Variants in CHTF18 observed in about 807,000 individuals in gnomAD.
CHTF18 encodes the protein chromosome transmission fidelity protein 18 homolog.
Under a neutral mutation model 113.4 loss-of-function variants are expected in CHTF18, and 151 were observed. The ratio of observed to expected loss-of-function variants is 1.33; its 90% confidence interval spans 1.17 to 1.52. The LOEUF is 1.52. CHTF18 is among the 40% of genes most tolerant of loss of function. CHTF18 has a pLI of 0.00. For missense variants in CHTF18, 1,982 were observed against 1,381.6 expected, an observed-to-expected ratio of 1.43 and a Z score of -6.89; for synonymous variants, 916 against 598.8, an observed-to-expected ratio of 1.53 and a Z score of -7.74.
chr16:797,469 C>T lies in CHTF18; in HGVS notation c.2734-225C>T, dbSNP rs59592377. On this transcript the variant is annotated intron_variant, in intron 20 of 21. Coordinates refer to ENST00000262315, the MANE Select transcript of CHTF18 (RefSeq NM_022092.3). Reference sequence around the variant, plus strand: ...AGGGTTCTACCCAGGCCTCAGTTTCCCATCTGGGCAGAAGAGTGGCTGTAT... The same window carrying T: ...AGGGTTCTACCCAGGCCTCAGTTTCTCATCTGGGCAGAAGAGTGGCTGTAT... 5.7e-3 allele frequency among the ~76,000 whole-genome samples: 869 copies of T among 152,258 alleles called. 14 individuals carry two copies. The highest frequency in any genetic ancestry group is 0.019 in the African/African-American group (803 of 41,542).
At chr16:796,587 A>AC in intron 18 of CHTF18, 130 bp from the exon 19 acceptor site, 2 of 1,132,012 alleles carry the variant, frequency 1.8e-6, no homozygotes, top group South Asian at 3.3e-5. Context: ...GTGCGGTGGC[A>AC]CCAGGACTCA....
intron 4 of CHTF18, 129 bp from the exon 5 acceptor site, chr16:790,048 C>T (rs756991175): frequency 2.6e-6 from 4 of 1,536,304 alleles, no homozygotes; most frequent in African/African-American, 1.4e-5. Flanking sequence ...CACCCCTGTC[C>T]AGTCTCCCAC....
rs1434953356 is a variant in CHTF18, at chr16:792,807, A to T, written c.1568A>T (p.Gln523Leu). The T allele has an allele frequency of 6.5e-7, 1 of 1,540,794 alleles. No homozygotes were observed. The highest frequency in any genetic ancestry group is 8.7e-7 in the Non-Finnish European group (1 of 1,147,322). ...TLPSRLVQRLQEVSLRQGMRA... is the reference protein window; with the variant it reads ...TLPSRLVQRLLEVSLRQGMRA... ...CCCTCGAGGCTGGTGCAGCGGCTCC[A>T]GGAGGTCGGTGGAGCCCCAGGAGCC... Residue 523 changes from glutamine to leucine, a missense_variant, in exon 12 of 22, where the codon CAG (glutamine) becomes CTG (leucine). Transcript: ENST00000262315.
rs757550429 is a variant in CHTF18, at chr16:789,712, G to A, written c.603G>A (p.Val201=). 1 of 1,584,746 alleles carries A rather than the reference G, an allele frequency of 6.3e-7. No homozygotes were observed. The highest frequency in any genetic ancestry group is 1.7e-5 in the Admixed American group (1 of 58,776). The change falls in exon 4 of 22, where the codon GTG becomes GTA. Residue 201 remains valine, a synonymous_variant. Coordinates refer to ENST00000262315, the MANE Select transcript of CHTF18 (RefSeq NM_022092.3). The part of the protein sequence containing the change: ...VLRADPMAPG[V]QGSLLHVPWR... Reference sequence around the variant, plus strand: ...GTGCTGACCCCATGGCCCCGGGGGTGCAGGTGCGTGGCTGTGGCCTTCCTG... The same window carrying A: ...GTGCTGACCCCATGGCCCCGGGGGTACAGGTGCGTGGCTGTGGCCTTCCTG...
Position 791,308 on chromosome 16 carries a change from G to T in CHTF18, c.1042G>T (p.Glu348Ter). ...ATAPGKWKSH[E>*]QVLEEMLEAG... is the part of the protein sequence containing the mutation. ...AGCCCCAGGCAAGTGGAAGAGCCAC[G>T]AACAGGTGCTGGAGGAGATGCTGGA... The change falls in exon 8 of 22, where the codon GAA becomes TAA. Residue 348 changes from glutamate (E) to a stop codon, truncating the protein, a stop_gained. Coordinates refer to ENST00000262315, the MANE Select transcript of CHTF18 (RefSeq NM_022092.3). LOFTEE classifies it high-confidence loss of function. 1 of 1,610,454 alleles carries T rather than the reference G, an allele frequency of 6.2e-7. No individual in the cohort carries two copies. Among genetic ancestry groups the T allele is most frequent in the Non-Finnish European group, 8.5e-7 (1 of 1,179,560 alleles).
chr16:793,362 G>A (rs908105543), intron 14 of CHTF18, 88 bp downstream of exon 14: 10 of 1,490,498 alleles, frequency 6.7e-6, no homozygotes, highest in Admixed American at 6.3e-5. Context: ...CACTACCTTC[G>A]AGGCGGGGAC....
rs1381144162 is a variant in CHTF18 at position 795,684 on chromosome 16, G to C, written c.2176-1G>C. 1 of 1,591,530 alleles carries C rather than the reference G, an allele frequency of 6.3e-7. No individual in the cohort carries two copies. The highest frequency in any genetic ancestry group is 8.5e-7 in the Non-Finnish European group (1 of 1,172,728). On this transcript the variant is annotated splice_acceptor_variant, in intron 16 of 21. Transcript: ENST00000262315. LOFTEE classifies it high-confidence loss of function. ...AGGCCTTGGCTCACCCCCTGCCCCA[G>C]GCCCAGAACCGGATGAGCCAGATGA... is the stretch of plus-strand genomic sequence containing the variant.
intron 4 of CHTF18, 167 bp from the exon 5 acceptor site, chr16:790,010 A>C (rs1567392135): frequency 6.5e-7 from 1 of 1,534,980 alleles, no homozygotes; most frequent in Non-Finnish European, 8.7e-7. Context: ...TTTGCAGCTG[A>C]CCCATCTGGA....
chr16:788,884 G>T, intron 1 of CHTF18, 47 bp from the exon 2 acceptor site: 1 of 1,506,106 alleles, frequency 6.6e-7, no homozygotes, highest in Non-Finnish European at 8.8e-7. Context: ...GCCGCTGGCG[G>T]GATCTGCTGT....
intron 8 of CHTF18, 157 bp from the exon 9 acceptor site, chr16:791,694 G>GGT (rs1349686838): frequency 7.0e-7 from 1 of 1,430,962 alleles, no homozygotes; most frequent in Non-Finnish European, 9.1e-7. Flanking sequence ...TTGCCATCTT[G>GGT]GTGTGTGAAA....
At chr16:793,861 A>C (rs1475309581) in intron 14 of CHTF18, 193 bp from the exon 15 acceptor site, 31 of 657,484 alleles carry the variant, frequency 4.7e-5, no homozygotes, top group Non-Finnish European at 7.3e-5. Flanking sequence ...TCCTCGGCTT[A>C]AGGGAATGTT....
At chr16:793,903 C>T in intron 14 of CHTF18, 151 bp from the exon 15 acceptor site, 2 of 833,076 alleles carry the variant, frequency 2.4e-6, no homozygotes, top group Non-Finnish European at 3.7e-6. Flanking sequence ...GTGTCTTTGG[C>T]TGTCTCCACC....
intron 14 of CHTF18, 32 bp from the exon 15 acceptor site, chr16:794,022 G>C (rs375200214): frequency 6.3e-7 from 1 of 1,595,972 alleles, no homozygotes; most frequent in Admixed American, 1.7e-5. Flanking sequence ...CTTTTAACAC[G>C]GGTCCATCTA....
chr16:794,077 C>G lies in CHTF18; in HGVS notation c.1826C>G (p.Ala609Gly). The change falls in exon 15 of 22, where the codon GCC (alanine) becomes GGC (glycine). Residue 609 changes from alanine to glycine, a missense_variant. Physicochemically the swap from Ala to Gly is moderately conservative, Grantham distance 60 (BLOSUM62 0). Transcript: ENST00000262315. Reference sequence around the variant, plus strand: ...AGGCGCCGTGTGGGCCAGGACCCCGCCCTGCCTGCTGACACACTCCTGCTG... The same window carrying G: ...AGGCGCCGTGTGGGCCAGGACCCCGGCCTGCCTGCTGACACACTCCTGCTG... ...AQRRRVGQDP[A>G]LPADTLLLGD... is the part of the protein sequence containing the mutation. 6.2e-7 allele frequency: 1 copy of G among 1,611,950 alleles called. No homozygotes were observed. The highest frequency in any genetic ancestry group is 8.5e-7 in the Non-Finnish European group (1 of 1,179,660).
In CHTF18 at chr16:789,170, G is replaced by A. The variant is rs2042087439; in HGVS notation, c.287-40G>A. On this transcript the variant is annotated intron_variant, in intron 2 of 21. Transcript: ENST00000262315. ...CCAGGGCCTCCGGAGTGGGCGCGAG[G>A]CTGAGGAGGCCTCTGGTTCCCTGCA... The A allele has an allele frequency of 3.9e-6, 6 of 1,549,980 alleles. No homozygotes were observed. In the East Asian group the frequency reaches 1.5e-4, roughly 38 times the overall value.
At position 790,791 on chromosome 16, in the gene CHTF18, C is replaced by T. The variant is rs1398709604; in HGVS notation, c.894+125C>T. 15 of 1,436,162 alleles carry T rather than the reference C, an allele frequency of 1.0e-5. No homozygotes were observed. The Admixed American group carries it at 1.2e-4, about 11-fold the overall frequency. The allele number at this position is 1,436,162 out of a possible 1,614,324, so 89.0% of individuals were successfully genotyped here. A position where few individuals can be genotyped will look rare whatever the true frequency, so the allele number is the denominator to read the frequency against. ...CGGAGACGGAGTGGGCTCTGGTTTG[C>T]CCTTTTGAGTTGTAGGTGGTGAACT... On this transcript the variant is annotated intron_variant, in intron 7 of 21. Transcript: ENST00000262315.
At chr16:790,128 C>G (rs1434539409) in intron 4 of CHTF18, 49 bp from the exon 5 acceptor site, 7 of 1,550,270 alleles carry the variant, frequency 4.5e-6, no homozygotes, top group Non-Finnish European at 5.2e-6. Context: ...TGACGTGAAT[C>G]CTGTGACCTA....
Position 790,548 on chromosome 16 carries a change from C to T in CHTF18, c.776C>T (p.Ala259Val), listed in dbSNP as rs201850220. 2.3e-4 allele frequency: 364 copies of T among 1,597,172 alleles called. No homozygotes were observed. Among genetic ancestry groups the T allele is most frequent in the Admixed American group, 6.8e-4 (39 of 57,338 alleles). Residue 259 changes from alanine (A) to valine (V), a missense_variant, in exon 7 of 22, where the codon GCA becomes GTA. Physicochemically the swap from Ala to Val is moderately conservative, Grantham distance 64. Coordinates refer to ENST00000262315, the MANE Select transcript of CHTF18 (RefSeq NM_022092.3). Reference protein sequence around the residue: ...LHSLRSGEEEAAQPLGAPEEE... With the variant: ...LHSLRSGEEEVAQPLGAPEEE... The stretch of plus-strand genomic sequence containing the variant: ...AGTCTCAGGTCGGGGGAGGAGGAGG[C>T]AGCCCAGCCCTTGGGGGCCCCTGAG...
chr16:793,952 T>C, intron 14 of CHTF18, 102 bp from the exon 15 acceptor site: 1 of 1,334,066 alleles, frequency 7.5e-7, no homozygotes, highest in Admixed American at 2.0e-5. Context: ...AAGAATGAAG[T>C]GGGTGGCAGC....
Sources: allele counts gnomAD v4.1 joint callset (sites outside exome capture counted in the v4.1 genomes callset), GRCh38; gene constraint gnomAD v4.1.1; transcripts MANE v1.5; gene names NCBI Gene and HGNC (gene_info 2026-07-23, HGNC 2026-07-21).